Variants in ROR2 observed in about 807,000 individuals in gnomAD.
ROR2 encodes the protein tyrosine-protein kinase transmembrane receptor ROR2.
Under a neutral mutation model 74.9 loss-of-function variants are expected in ROR2, and 33 were observed. The ratio of observed to expected loss-of-function variants is 0.44; its 90% CI spans 0.33 to 0.59. ROR2 has a LOEUF of 0.59. ROR2 is among the 20% of genes least tolerant of loss of function. The probability of loss-of-function intolerance (pLI) is 0.02; values close to 1 mark genes in which losing one functional copy is unlikely to be tolerated. For missense variants in ROR2, 1,216 were observed against 1,313.8 expected (o/e 0.93, Z 1.15); for synonymous variants, 586 against 558.7 (o/e 1.05, Z -0.69).
chr9:91,814,514 G>A (rs1330963693), intron 1 of ROR2, among the ~76,000 whole-genome samples: 1 of 152,126 alleles, frequency 6.6e-6, no homozygotes, highest in Non-Finnish European at 1.5e-5. Flanking sequence ...CCGCTGACAA[G>A]CCATGACTTC....
At chr9:91,807,532 C>A (rs1218625255) in intron 1 of ROR2, among the ~76,000 whole-genome samples, 1 of 152,176 alleles carries the variant, frequency 6.6e-6, no homozygotes, top group Non-Finnish European at 1.5e-5. Context: ...TGTGAAAACC[C>A]CAACCTGAAG....
At chr9:91,746,857 G>GGTGTGTGTGT (rs57891940) in intron 4 of ROR2, among the ~76,000 whole-genome samples, 24 of 150,028 alleles carry the variant, frequency 1.6e-4, no homozygotes, top group African/African-American at 5.1e-4. Context: ...TCCTTGAGCA[G>GGTGTGTGTGT]GTGTGTGTGT....
chr9:91,822,895 T>A (rs1828176318), intron 1 of ROR2, among the ~76,000 whole-genome samples: 1 of 151,972 alleles, frequency 6.6e-6, no homozygotes, highest in Non-Finnish European at 1.5e-5. Context: ...CGCAGAGACA[T>A]CCAGTCTGAC....
At position 91,881,580 on chromosome 9, in the gene ROR2, T is replaced by C. The variant is rs1830113355; in HGVS notation, c.97+68287A>G. Among the ~76,000 whole-genome samples, 4 of 152,362 alleles carry C rather than the reference T, an allele frequency of 2.6e-5. No individual in the cohort carries two copies. In the South Asian group the frequency reaches 8.3e-4, roughly 32 times the overall value. ...TAGTACTCCTTTTTTGATGGTGAGTTATCTCCAGCAGCATAGTTACAAATA... is the reference window on the plus strand; with the variant it reads ...TAGTACTCCTTTTTTGATGGTGAGTCATCTCCAGCAGCATAGTTACAAATA... On this transcript the variant is annotated intron_variant, in intron 1 of 8. Coordinates refer to ENST00000375708, the MANE Select transcript of ROR2 (RefSeq NM_004560.4).
intron 1 of ROR2, among the ~76,000 whole-genome samples, chr9:91,904,869 C>T (rs1236409068): frequency 6.6e-6 from 1 of 152,116 alleles, no homozygotes; most frequent in Non-Finnish European, 1.5e-5. Context: ...TGGCTTACTA[C>T]CTGGGACGGC....
chr9:91,863,414 A>G (rs544759349), intron 1 of ROR2, among the ~76,000 whole-genome samples: 1 of 152,352 alleles, frequency 6.6e-6, no homozygotes, highest in South Asian at 2.1e-4. Flanking sequence ...TCACAGGAGC[A>G]TTATTCATAA....
intron 1 of ROR2, among the ~76,000 whole-genome samples, chr9:91,824,066 G>A (rs1405354994): frequency 1.3e-5 from 2 of 152,206 alleles, no homozygotes; most frequent in African/African-American, 4.8e-5. Flanking sequence ...CTAAGTCGAT[G>A]GGCAGAGAAA....
intron 1 of ROR2, among the ~76,000 whole-genome samples, chr9:91,913,159 AC>A (rs1831037324): frequency 6.6e-6 from 1 of 151,902 alleles, no homozygotes; most frequent in Non-Finnish European, 1.5e-5. Context: ...AAAAAACAAA[AC>A]AAAAAAAGGC....
rs866172044 is a variant in ROR2, at chr9:91,726,719, C to T, written c.1208G>A (p.Gly403Glu). The stretch of plus-strand genomic sequence containing the variant: ...GCTGGGGACCAAGATGTACAGAATC[C>T]CCATCTTGCTGCTGTCTCGGGGACC... The part of the protein sequence containing the change: ...SCSPRDSSKM[G>E]ILYILVPSIA... Residue 403 changes from glycine (G) to glutamate (E), a missense_variant, in exon 8 of 9, where the codon GGG becomes GAG. Physicochemically the swap from Gly to Glu is moderately conservative, Grantham distance 98. Transcript: ENST00000375708. 6.2e-7 allele frequency: 1 copy of T among 1,613,936 alleles called. No individual in the cohort carries two copies.
chr9:91,757,238 C>A (rs1825783084), intron 3 of ROR2, 34 bp downstream of exon 3: 13 of 1,613,286 alleles, frequency 8.1e-6, no homozygotes, highest in African/African-American at 4.0e-5. Flanking sequence ...ACCTTCATAT[C>A]TGCTAACCCA....
At chr9:91,897,125 A>G (rs1273472143) in intron 1 of ROR2, among the ~76,000 whole-genome samples, 3 of 152,230 alleles carry the variant, frequency 2.0e-5, no homozygotes, top group African/African-American at 7.2e-5. Context: ...TGGGTTGTGG[A>G]GCCCCACCCT....
At chr9:91,790,258 T>G (rs911972640) in intron 1 of ROR2, among the ~76,000 whole-genome samples, 10 of 151,780 alleles carry the variant, frequency 6.6e-5, no homozygotes, top group Non-Finnish European at 1.5e-4. Context: ...TCCCAGCACT[T>G]TGGGAGGCCG....
chr9:91,885,991 A>C (rs1367197836), intron 1 of ROR2, among the ~76,000 whole-genome samples: 1 of 148,614 alleles, frequency 6.7e-6, no homozygotes, highest in African/African-American at 2.5e-5. Flanking sequence ...TTCCTGCCTC[A>C]GCCTCTCCCG....
chr9:91,934,310 T>G (rs1831626495), intron 1 of ROR2, among the ~76,000 whole-genome samples: 1 of 152,324 alleles, frequency 6.6e-6, no homozygotes, highest in East Asian at 1.9e-4. Flanking sequence ...AAGTCCCTTT[T>G]GATCATACCC....
intron 1 of ROR2, among the ~76,000 whole-genome samples, chr9:91,885,499 G>C (rs1830244618): frequency 6.6e-6 from 1 of 152,214 alleles, no homozygotes; most frequent in Non-Finnish European, 1.5e-5. Context: ...GGACTGAGCA[G>C]CGTGTGGCTC....
At chr9:91,845,056 C>T (rs1470578642) in intron 1 of ROR2, among the ~76,000 whole-genome samples, 1 of 152,192 alleles carries the variant, frequency 6.6e-6, no homozygotes, top group Non-Finnish European at 1.5e-5. Context: ...TTACGGTGGC[C>T]TGTAAGGGGA....
intron 1 of ROR2, among the ~76,000 whole-genome samples, chr9:91,946,903 T>A (rs1186500770): frequency 6.6e-6 from 1 of 152,210 alleles, no homozygotes. Flanking sequence ...TTCCACTGAT[T>A]TCAGAAGAGC....
At chr9:91,794,295 TAA>T (rs1827099656) in intron 1 of ROR2, among the ~76,000 whole-genome samples, 1 of 152,246 alleles carries the variant, frequency 6.6e-6, no homozygotes, top group Non-Finnish European at 1.5e-5. Flanking sequence ...AAAACAACAC[TAA>T]GTTTCTACTG....
intron 4 of ROR2, among the ~76,000 whole-genome samples, chr9:91,752,828 ACT>A (rs1385671105): frequency 1.3e-5 from 2 of 152,340 alleles, no homozygotes; most frequent in South Asian, 4.1e-4. Flanking sequence ...AGTATCTGCA[ACT>A]CAGTGAAATG....
Sources: allele counts gnomAD v4.1 joint callset (sites outside exome capture counted in the v4.1 genomes callset), GRCh38; gene constraint gnomAD v4.1.1; transcripts MANE v1.5; gene names NCBI Gene and HGNC (gene_info 2026-07-23, HGNC 2026-07-21).